THNSL1: variants seen among roughly 807,000 people sequenced by gnomAD.
THNSL1 encodes threonine synthase-like 1.
Under a neutral mutation model 50.4 loss-of-function variants are expected in THNSL1, and 48 were observed. The ratio of observed to expected loss-of-function variants is 0.95; its 90% CI spans 0.76 to 1.21. THNSL1 has a LOEUF of 1.21. THNSL1 is among the 50% of genes most tolerant of loss of function. The pLI is 0.00. For synonymous variants in THNSL1, 309 were observed against 306.1 expected (o/e 1.01, Z -0.10); for missense variants, 896 against 871.7 (o/e 1.03, Z -0.35).
chr10:24,955,954 A>AAATAATAAT, the THNSL1 span, among the ~76,000 whole-genome samples: 6 of 151,986 alleles, frequency 3.9e-5, no homozygotes, highest in South Asian at 1.3e-3. Flanking sequence ...CCCTACAAAC[A>AAATAATAAT]AATAATAATA....
chr10:24,988,252 G>A, the THNSL1 span, among the ~76,000 whole-genome samples: 7 of 137,146 alleles, frequency 5.1e-5, no homozygotes, highest in East Asian at 2.0e-4. Context: ...ATATATATAT[G>A]TGTATATATA....
chr10:24,980,508 T>C, the THNSL1 span, among the ~76,000 whole-genome samples: 438 of 152,284 alleles, frequency 2.9e-3, 2 homozygotes, highest in African/African-American at 0.01. Flanking sequence ...AAATGCATTA[T>C]ATTTGTGTGA....
upstream of THNSL1, among the ~76,000 whole-genome samples, chr10:25,012,521 C>T (rs911580343): frequency 4.7e-4 from 71 of 152,212 alleles, no homozygotes; most frequent in Admixed American, 8.5e-4. Context: ...CTTGCATCAG[C>T]GTGACCTGGA....
the THNSL1 span, among the ~76,000 whole-genome samples, chr10:24,973,471 C>T: frequency 6.6e-6 from 1 of 152,052 alleles, no homozygotes; most frequent in African/African-American, 2.4e-5. Flanking sequence ...ATATGGATTG[C>T]TATTTCTGGA....
the THNSL1 span, among the ~76,000 whole-genome samples, chr10:24,952,785 G>T: frequency 6.6e-6 from 1 of 151,546 alleles, no homozygotes; most frequent in Non-Finnish European, 1.5e-5. This position sits in a 1 kb window ranked among gnomAD's most constrained non-coding sequence, Gnocchi z 5.1. Flanking sequence ...CCCCTGGCTA[G>T]GCCGCGGGGG....
chr10:24,988,328 A>C, the THNSL1 span, among the ~76,000 whole-genome samples: 1 of 145,334 alleles, frequency 6.9e-6, no homozygotes, highest in Non-Finnish European at 1.5e-5. Flanking sequence ...ATATATATTT[A>C]TATATGTGTA....
At chr10:24,990,683 G>T in the THNSL1 span, 1 of 1,383,816 alleles carries the variant, frequency 7.2e-7, no homozygotes, top group Non-Finnish European at 9.8e-7. Flanking sequence ...ATCAACTGAT[G>T]ATGGAAGAAA....
chr10:25,012,973 A>G (rs148193454), upstream of THNSL1, among the ~76,000 whole-genome samples: 9 of 152,264 alleles, frequency 5.9e-5, no homozygotes, highest in East Asian at 1.7e-3. Flanking sequence ...GGATCTGGTG[A>G]TAGGTAATTG....
At chr10:25,012,902 A>G (rs1266800332), upstream of THNSL1, among the ~76,000 whole-genome samples, 1 of 152,188 alleles carries the variant, frequency 6.6e-6, no homozygotes, top group Non-Finnish European at 1.5e-5. Flanking sequence ...GTTTGGCTGC[A>G]TCCCCACGCA....
At chr10:24,966,322 G>A in the THNSL1 span, among the ~76,000 whole-genome samples, 3 of 152,344 alleles carry the variant, frequency 2.0e-5, no homozygotes, top group African/African-American at 7.2e-5. Context: ...TAATAAAGGA[G>A]AGACCCCAAT....
At chr10:25,008,606 A>G in the THNSL1 span, among the ~76,000 whole-genome samples, 2 of 152,256 alleles carry the variant, frequency 1.3e-5, no homozygotes, top group East Asian at 3.8e-4. Flanking sequence ...AATGAAAAAC[A>G]GAACCACATT....
chr10:24,978,884 G>A, the THNSL1 span, among the ~76,000 whole-genome samples: 15 of 152,280 alleles, frequency 9.9e-5, no homozygotes, highest in African/African-American at 3.6e-4. Flanking sequence ...TTGTATTACA[G>A]ATAAGGAAAA....
At chr10:25,021,283 T>C (rs893980263) in intron 1 of THNSL1, among the ~76,000 whole-genome samples, 28 of 152,258 alleles carry the variant, frequency 1.8e-4, no homozygotes, top group Admixed American at 1.8e-3. Flanking sequence ...GGTATCTTTT[T>C]GTGGCAAGAG....
chr10:24,988,613 G>A, the THNSL1 span, among the ~76,000 whole-genome samples: 2 of 112,198 alleles, frequency 1.8e-5, no homozygotes, highest in African/African-American at 3.5e-5. Context: ...GTCACCACTG[G>A]AGGATTATAG....
At chr10:24,991,738 C>T in the THNSL1 span, among the ~76,000 whole-genome samples, 1 of 152,218 alleles carries the variant, frequency 6.6e-6, no homozygotes, top group South Asian at 2.1e-4. Flanking sequence ...TATACCAAGG[C>T]AAGACTCCTG....
At chr10:24,959,695 A>G in the THNSL1 span, among the ~76,000 whole-genome samples, 1 of 151,586 alleles carries the variant, frequency 6.6e-6, no homozygotes, top group South Asian at 2.1e-4. Flanking sequence ...TTTTTTGTCT[A>G]TGCAAACCTT....
chr10:24,952,437 C>T, the THNSL1 span: 1 of 1,430,634 alleles, frequency 7.0e-7, no homozygotes, highest in Non-Finnish European at 9.6e-7. The surrounding 1 kb of genome is among the most constrained non-coding windows in gnomAD (Gnocchi z 5.1). Flanking sequence ...CCTCTCTCTC[C>T]CCCGACGCAC....
In THNSL1 at chr10:25,024,602, A is replaced by G; in HGVS notation, c.1379A>G (p.Glu460Gly). The G allele has an allele frequency of 6.2e-7, 1 of 1,614,204 alleles. No homozygotes were observed. The highest frequency in any genetic ancestry group is 8.5e-7 in the Non-Finnish European group (1 of 1,180,026). The change falls in exon 3 of 3, where the codon GAA (glutamate) becomes GGA (glycine). Residue 460 changes from glutamate to glycine, a missense_variant. Transcript: ENST00000376356. The part of the protein sequence containing the change: ...DSDFTGFLTV[E>G]YGTILSSANS... ...GATTTTACTGGCTTTCTTACTGTGG[A>G]ATATGGAACAATCTTAAGTTCGGCT...
Position 25,024,574 on chromosome 10 carries a change from T to TCTTA in THNSL1, c.1353_1354insTACT (p.Asp452TyrfsTer2). On this transcript the variant is annotated frameshift_variant, in exon 3 of 3. Coordinates refer to ENST00000376356, the MANE Select transcript of THNSL1 (RefSeq NM_024838.5). LOFTEE classifies it high-confidence loss of function. ...AGCTATAAAAAGAATTTTTAATGAT[T>TCTTA]CTGATTTTACTGGCTTTCTTACTGT... 6.2e-7 allele frequency: 1 copy of TCTTA among 1,614,154 alleles called. No homozygotes were observed. The highest frequency in any genetic ancestry group is 8.5e-7 in the Non-Finnish European group (1 of 1,180,012).
Sources: gnomAD v4.1 joint callset for allele counts (sites outside exome capture counted in the v4.1 genomes callset) on GRCh38, gnomAD v4.1.1 for gene constraint, Gnocchi (gnomAD v3.1) non-coding constraint, MANE v1.5 for transcripts, NCBI Gene and HGNC (gene_info 2026-07-23, HGNC 2026-07-21) for gene names.